The following OVCH1 variants were observed in gnomAD, a reference collection of about 807,000 sequenced individuals.
OVCH1 encodes the protein ovochymase-1.
In OVCH1, 139 loss-of-function variants were observed where a neutral mutation model predicts 138.4. That is an observed-to-expected ratio of 1.00 (90% CI 0.87 to 1.16). OVCH1 has a LOEUF of 1.16. Among genes scored for constraint, OVCH1 ranks in the 50% most tolerant of loss-of-function variants. OVCH1 has a pLI of 0.00. For missense variants in OVCH1, 1,367 were observed against 1,357.9 expected (o/e 1.01, Z -0.11); for synonymous variants, 453 against 467.8 (o/e 0.97, Z 0.41).
chr12:29,483,305 C>A (rs1942992499), intron 8 of OVCH1, among the ~76,000 whole-genome samples: 1 of 152,102 alleles, frequency 6.6e-6, no homozygotes, highest in East Asian at 1.9e-4. Flanking sequence ...TCTAAATATC[C>A]TTCTAACAGC....
chr12:29,464,770 ATGG>A (rs1393231787), intron 17 of OVCH1, 68 bp from the exon 18 acceptor site: 2 of 1,339,224 alleles, frequency 1.5e-6, no homozygotes, highest in African/African-American at 2.9e-5. Flanking sequence ...TTCCTTGTTG[ATGG>A]TCCAAAATAA....
At chr12:29,444,395 A>G in intron 23 of OVCH1, 115 bp from the exon 24 acceptor site, 16 of 1,130,292 alleles carry the variant, frequency 1.4e-5, no homozygotes, top group Non-Finnish European at 2.0e-5. Flanking sequence ...TGGGAAAACA[A>G]GTAATTATTA....
chr12:29,491,097 T>C, exon 5 of OVCH1: 1 of 1,612,682 alleles, frequency 6.2e-7, no homozygotes, highest in East Asian at 2.2e-5. Flanking sequence ...TGTCTCTTAC[T>C]TTTGGAAATC....
At chr12:29,463,011 A>G (rs1252736212) in intron 18 of OVCH1, among the ~76,000 whole-genome samples, 1 of 152,208 alleles carries the variant, frequency 6.6e-6, no homozygotes, top group Non-Finnish European at 1.5e-5. Context: ...GTTGCCTGGT[A>G]GTCATGGAAT....
chr12:29,451,620 A>G (rs935418991), intron 21 of OVCH1, 51 bp from the exon 22 acceptor site: 22 of 1,421,232 alleles, frequency 1.5e-5, no homozygotes, highest in Non-Finnish European at 1.9e-5. Flanking sequence ...TAAAGCAAAG[A>G]AAAACCAGAT....
intron 22 of OVCH1, among the ~76,000 whole-genome samples, chr12:29,450,608 C>T (rs1001920836): frequency 2.6e-5 from 4 of 152,258 alleles, no homozygotes; most frequent in African/African-American, 7.2e-5. Context: ...TACAGTGTCG[C>T]GATTCCTCAA....
intron 9 of OVCH1, 52 bp downstream of exon 10, chr12:29,478,783 G>A: frequency 7.8e-7 from 1 of 1,289,938 alleles, no homozygotes; most frequent in Non-Finnish European, 1.0e-6. Context: ...GCATCTCTTT[G>A]GTCTTTCAGA....
At chr12:29,477,629 C>A in intron 9 of OVCH1, 151 bp from the exon 11 acceptor site, 1 of 1,593,858 alleles carries the variant, frequency 6.3e-7, no homozygotes, top group Non-Finnish European at 8.6e-7. Flanking sequence ...ACATTCCCTG[C>A]TTCAGTGACT....
At chr12:29,432,435 C>T (rs1941285861) in intron 27 of OVCH1, among the ~76,000 whole-genome samples, 1 of 152,068 alleles carries the variant, frequency 6.6e-6, no homozygotes, top group Non-Finnish European at 1.5e-5. Context: ...GTTTAATGGC[C>T]TGAGTAATTA....
intron 14 of OVCH1, among the ~76,000 whole-genome samples, chr12:29,474,242 C>T (rs768122825): frequency 6.6e-5 from 10 of 152,062 alleles, no homozygotes; most frequent in Non-Finnish European, 1.0e-4. Flanking sequence ...TTTCTCAGTA[C>T]TTTTCTTGCA....
downstream of OVCH1, among the ~76,000 whole-genome samples, chr12:29,408,567 A>G (rs1430053524): frequency 2.4e-5 from 3 of 125,844 alleles, no homozygotes; most frequent in African/African-American, 7.8e-5. Flanking sequence ...TGAGATAATC[A>G]TGTGGTTTTT....
chr12:29,497,680 GGCCCATA>G (rs1565620558), exon 1 of OVCH1: 1 of 1,613,964 alleles, frequency 6.2e-7, no homozygotes, highest in Admixed American at 1.7e-5. Flanking sequence ...CTGGCCAGCA[GGCCCATA>G]GCCTCCACGC....
At chr12:29,404,747 G>A in the OVCH1 span, among the ~76,000 whole-genome samples, 1 of 151,980 alleles carries the variant, frequency 6.6e-6, no homozygotes, top group Admixed American at 6.5e-5. Flanking sequence ...GATCAGCCGG[G>A]CGCGGTGGGT....
intron 3 of OVCH1, 82 bp from the exon 4 acceptor site, chr12:29,495,539 G>A: frequency 1.6e-6 from 2 of 1,249,834 alleles, no homozygotes; most frequent in African/African-American, 1.5e-5. Flanking sequence ...AATGAAAAGT[G>A]ATTAATGTAT....
chr12:29,451,083 T>G (rs1168261007), intron 22 of OVCH1, among the ~76,000 whole-genome samples: 1 of 151,992 alleles, frequency 6.6e-6, no homozygotes, highest in Non-Finnish European at 1.5e-5. Context: ...GGCTTATAGT[T>G]GCAGCAAACC....
At chr12:29,406,686 T>C in the OVCH1 span, among the ~76,000 whole-genome samples, 1 of 147,736 alleles carries the variant, frequency 6.8e-6, no homozygotes, top group Non-Finnish European at 1.5e-5. Context: ...GTGCCACATT[T>C]TCTTAATCCA....
chr12:29,424,490 A>G (rs557858391), downstream of OVCH1, among the ~76,000 whole-genome samples: 1 of 152,348 alleles, frequency 6.6e-6, no homozygotes, highest in African/African-American at 2.4e-5. Flanking sequence ...CTGTTTTTCA[A>G]AAAGGATGTT....
chr12:29,495,522 G>T, intron 3 of OVCH1, 65 bp from the exon 4 acceptor site: 1 of 1,403,840 alleles, frequency 7.1e-7, no homozygotes, highest in Non-Finnish European at 9.8e-7. Flanking sequence ...TTGGTTTGAT[G>T]TAATTAAATG....
chr12:29,440,167 TAG>T (rs1491477605), intron 25 of OVCH1, among the ~76,000 whole-genome samples: 1 of 152,156 alleles, frequency 6.6e-6, no homozygotes, highest in African/African-American at 2.4e-5. Flanking sequence ...TTCCTCTGGA[TAG>T]ATGGGTAGAA....
Sources: gnomAD v4.1 joint callset for allele counts (sites outside exome capture counted in the v4.1 genomes callset) on GRCh38, gnomAD v4.1.1 for gene constraint, MANE v1.5 for transcripts, NCBI Gene and HGNC (gene_info 2026-07-23, HGNC 2026-07-21) for gene names.